EYA4: variants seen among roughly 807,000 people sequenced by gnomAD.
EYA4 encodes the protein EYA transcriptional coactivator and phosphatase 4.
In EYA4, 31 loss-of-function variants were observed where a neutral mutation model predicts 87.9. That is an observed-to-expected ratio of 0.35 (90% CI 0.27 to 0.48). The LOEUF is 0.48. EYA4 is among the 20% of genes least tolerant of loss of function. The pLI is 0.99. For missense variants in EYA4, 678 were observed against 761.4 expected, an observed-to-expected ratio of 0.89 and a Z score of 1.29; for synonymous variants, 263 against 270.6, an observed-to-expected ratio of 0.97 and a Z score of 0.28.
chr6:133,288,283 C>T (rs1778228841), intron 2 of EYA4, among the ~76,000 whole-genome samples: 1 of 152,138 alleles, frequency 6.6e-6, no homozygotes, highest in Non-Finnish European at 1.5e-5. Context: ...ACTTTGACAA[C>T]CCCTGGCCTA....
intron 13 of EYA4, among the ~76,000 whole-genome samples, chr6:133,505,327 G>A (rs1409977386): frequency 1.3e-5 from 2 of 152,050 alleles, no homozygotes; most frequent in African/African-American, 2.4e-5. Flanking sequence ...CTTGATTTTC[G>A]ACTTCTTGCT....
At chr6:133,380,563 G>A (rs1786102987) in intron 2 of EYA4, among the ~76,000 whole-genome samples, 3 of 152,110 alleles carry the variant, frequency 2.0e-5, no homozygotes, top group Admixed American at 1.3e-4. Flanking sequence ...CAGTCATCAT[G>A]GTCTTGAGGA....
At chr6:133,517,663 A>G (rs1799717739) in intron 17 of EYA4, among the ~76,000 whole-genome samples, 1 of 152,176 alleles carries the variant, frequency 6.6e-6, no homozygotes, top group African/African-American at 2.4e-5. Context: ...AGCGGAGGGG[A>G]AGTAGCTTCC....
At chr6:133,432,837 C>T (rs755434617) in intron 3 of EYA4, among the ~76,000 whole-genome samples, 4 of 152,040 alleles carry the variant, frequency 2.6e-5, no homozygotes, top group Non-Finnish European at 5.9e-5. Flanking sequence ...CATAAAGATA[C>T]AGAATGTCTT....
chr6:133,320,898 C>T (rs1781038437), intron 2 of EYA4, among the ~76,000 whole-genome samples: 1 of 152,184 alleles, frequency 6.6e-6, no homozygotes, highest in African/African-American at 2.4e-5. Context: ...CATTTTTCTA[C>T]ATACTGAGGT....
At chr6:133,353,334 T>A (rs1783778276) in intron 2 of EYA4, among the ~76,000 whole-genome samples, 1 of 152,144 alleles carries the variant, frequency 6.6e-6, no homozygotes, top group Non-Finnish European at 1.5e-5. Flanking sequence ...AAATGATGGT[T>A]CGTTAGTTCT....
chr6:133,415,555 G>A (rs1030318733), intron 3 of EYA4, among the ~76,000 whole-genome samples: 1 of 152,102 alleles, frequency 6.6e-6, no homozygotes, highest in Non-Finnish European at 1.5e-5. Context: ...TGAGGATTAT[G>A]AGACACATGT....
intron 14 of EYA4, among the ~76,000 whole-genome samples, chr6:133,512,334 G>C (rs1244204589): frequency 6.6e-6 from 1 of 152,144 alleles, no homozygotes; most frequent in East Asian, 1.9e-4. Context: ...GAGGTGTTCA[G>C]ACTAAGTTTT....
intron 17 of EYA4, among the ~76,000 whole-genome samples, chr6:133,518,822 A>G (rs1799839985): frequency 6.6e-6 from 1 of 152,164 alleles, no homozygotes; most frequent in Non-Finnish European, 1.5e-5. Flanking sequence ...CAATCAAACT[A>G]GAACTCAGGA....
At chr6:133,363,393 C>A (rs1157053893) in intron 2 of EYA4, 1 of 152,184 alleles carries the variant, frequency 6.6e-6, no homozygotes, top group African/African-American at 2.4e-5. Flanking sequence ...GGACTCACAG[C>A]TCTGACGTTG....
intron 3 of EYA4, among the ~76,000 whole-genome samples, chr6:133,420,153 C>T (rs1453787252): frequency 6.6e-6 from 1 of 151,850 alleles, no homozygotes; most frequent in Non-Finnish European, 1.5e-5. Flanking sequence ...ATCATCCATA[C>T]CTTATTATGC....
At chr6:133,469,181 C>A (rs1461809633) in intron 11 of EYA4, among the ~76,000 whole-genome samples, 1 of 151,934 alleles carries the variant, frequency 6.6e-6, no homozygotes, top group East Asian at 1.9e-4. Flanking sequence ...TTTGTGTGAT[C>A]AGTGTGTATT....
intron 3 of EYA4, among the ~76,000 whole-genome samples, chr6:133,424,923 G>A (rs1275640213): frequency 4.0e-5 from 6 of 150,960 alleles, no homozygotes; most frequent in African/African-American, 1.2e-4. Flanking sequence ...CAGCCAGTGT[G>A]ATGGCATCAA....
Position 133,402,828 on chromosome 6 carries a change from CAA to C in EYA4, c.83+20388_83+20389del, listed in dbSNP as rs1788377010. ...GTAAATTCCCATGTTTATAGAGAAACAAGAGGGAGGGTAACAGGGGACAAGAC... is the reference window on the plus strand; with the variant it reads ...GTAAATTCCCATGTTTATAGAGAAACGAGGGAGGGTAACAGGGGACAAGAC... On this transcript the variant is annotated intron_variant, in intron 3 of 19. Coordinates refer to ENST00000355286, the MANE Select transcript of EYA4 (RefSeq NM_004100.5). 7.9e-5 allele frequency among the ~76,000 whole-genome samples: 12 copies of C among 151,892 alleles called. 1 individual carries two copies. Among genetic ancestry groups the C allele is most frequent in the Admixed American group, 7.9e-4 (12 of 15,256 alleles).
intron 3 of EYA4, among the ~76,000 whole-genome samples, chr6:133,393,453 G>A (rs1314685315): frequency 6.6e-6 from 1 of 152,062 alleles, no homozygotes; most frequent in Middle Eastern, 3.2e-3. Flanking sequence ...ATTGCGGAGG[G>A]GAATGGTTGT....
At chr6:133,510,426 A>G (rs943824300) in intron 14 of EYA4, 7 of 331,558 alleles carry the variant, frequency 2.1e-5, no homozygotes, top group Non-Finnish European at 3.6e-5. Flanking sequence ...ATCTCTAAAT[A>G]AGAAATAATC....
chr6:133,494,474 T>G (rs1797454585), intron 13 of EYA4, among the ~76,000 whole-genome samples: 1 of 152,118 alleles, frequency 6.6e-6, no homozygotes. Context: ...TTAGACAGAA[T>G]GAATAACATC....
chr6:133,501,288 C>A lies in EYA4; in HGVS notation c.1192-4818C>A, dbSNP rs569430203. Reference sequence around the variant, plus strand: ...TGAAATGCTTATACTCCCTTGTTTTCTTGTCTGTTTATCAGATATCTCATC... The same window carrying A: ...TGAAATGCTTATACTCCCTTGTTTTATTGTCTGTTTATCAGATATCTCATC... On this transcript the variant is annotated intron_variant, in intron 13 of 19. Coordinates refer to ENST00000355286, the MANE Select transcript of EYA4 (RefSeq NM_004100.5). Among the ~76,000 whole-genome samples, 56 of 151,978 alleles carry A rather than the reference C, an allele frequency of 3.7e-4. 1 individual carries two copies. Among genetic ancestry groups the A allele is most frequent in the Admixed American group, 3.9e-4 (6 of 15,240 alleles).
At chr6:133,500,894 C>T (rs1038108030) in intron 13 of EYA4, among the ~76,000 whole-genome samples, 2 of 152,316 alleles carry the variant, frequency 1.3e-5, no homozygotes, top group East Asian at 3.9e-4. Flanking sequence ...TAACATGACA[C>T]TTGCCAAGTC....
Sources: allele counts gnomAD v4.1 joint callset (sites outside exome capture counted in the v4.1 genomes callset), GRCh38; gene constraint gnomAD v4.1.1; transcripts MANE v1.5; gene names NCBI Gene and HGNC (gene_info 2026-07-23, HGNC 2026-07-21).